ADCY3: variants seen among roughly 807,000 people sequenced by gnomAD.
ADCY3 encodes adenylate cyclase 3.
A neutral mutation model predicts 119.4 loss-of-function variants in ADCY3; 70 were observed. The ratio of observed to expected loss-of-function variants is 0.59; its 90% CI spans 0.48 to 0.72. The LOEUF (loss-of-function observed/expected upper bound fraction) is 0.72, where lower values mean the gene tolerates loss of function less well. Ranked by LOEUF, ADCY3 falls within the 30% of genes least tolerant of loss-of-function variation. ADCY3 has a pLI of 0.00. For synonymous variants in ADCY3, 672 were observed against 621.4 expected, an observed-to-expected ratio of 1.08 and a Z score of -1.21; for missense variants, 1,238 against 1,541.6, an observed-to-expected ratio of 0.80 and a Z score of 3.30.
At chr2:24,856,199 A>G (rs1294863622) in intron 3 of ADCY3, among the ~76,000 whole-genome samples, 1 of 151,958 alleles carries the variant, frequency 6.6e-6, no homozygotes, top group Non-Finnish European at 1.5e-5. Context: ...GTGTGTGTCC[A>G]TGCGTTAGCG....
At chr2:24,837,695 C>T (rs1402612732) in intron 8 of ADCY3, among the ~76,000 whole-genome samples, 1 of 152,168 alleles carries the variant, frequency 6.6e-6, no homozygotes, top group Non-Finnish European at 1.5e-5. Flanking sequence ...CCTCCAGATT[C>T]AGCAGGGGAT....
At chr2:24,867,051 A>C (rs1674394786) in intron 3 of ADCY3, among the ~76,000 whole-genome samples, 1 of 152,254 alleles carries the variant, frequency 6.6e-6, no homozygotes, top group South Asian at 2.1e-4. Flanking sequence ...AGAGATGTCA[A>C]ACCAACATTC....
chr2:24,903,711 G>C (rs1679165003), intron 2 of ADCY3, among the ~76,000 whole-genome samples: 1 of 152,180 alleles, frequency 6.6e-6, no homozygotes, highest in African/African-American at 2.4e-5. Context: ...ATGGGAGCAG[G>C]GGTAGGAGGG....
At position 24,842,245 on chromosome 2, in the gene ADCY3, C is replaced by G. The variant is rs1465980806; in HGVS notation, c.956+9G>C. 6.2e-7 allele frequency: 1 copy of G among 1,613,938 alleles called. No individual in the cohort carries two copies. The highest frequency in any genetic ancestry group is 1.7e-5 in the Admixed American group (1 of 60,030). The stretch of plus-strand genomic sequence containing the variant: ...CTGCCATCAGAGCCCGCGCCCCGGG[C>G]CGGCGTACCTGACGTTCTCGTGACG... On this transcript the variant is annotated intron_variant, in intron 4 of 21. Coordinates refer to ENST00000679454, the MANE Select transcript of ADCY3 (RefSeq NM_004036.5). The surrounding 1 kb of genome is among the most constrained non-coding windows in gnomAD (Gnocchi z 4.9).
At chr2:24,876,120 G>C (rs1675681450) in intron 2 of ADCY3, among the ~76,000 whole-genome samples, 4 of 152,150 alleles carry the variant, frequency 2.6e-5, no homozygotes, top group Non-Finnish European at 5.9e-5. Context: ...AGCCTCTTGA[G>C]TAGCTGGGAT....
intron 2 of ADCY3, among the ~76,000 whole-genome samples, chr2:24,914,674 T>TC (rs1664224889): frequency 1.2e-5 from 1 of 85,922 alleles, no homozygotes. Flanking sequence ...AAACTCTGTC[T>TC]CAAAAAAAAA....
chr2:24,907,447 G>A (rs890625474), intron 2 of ADCY3, among the ~76,000 whole-genome samples: 10 of 152,182 alleles, frequency 6.6e-5, no homozygotes, highest in African/African-American at 2.4e-4. Flanking sequence ...TTACTTTCCT[G>A]TCTACAAGAA....
intron 3 of ADCY3, among the ~76,000 whole-genome samples, chr2:24,857,523 C>A (rs1673152002): frequency 6.6e-6 from 1 of 152,248 alleles, no homozygotes; most frequent in Non-Finnish European, 1.5e-5. Context: ...GCTAGTGCTA[C>A]TGAAAGACTA....
intron 21 of ADCY3, 170 bp from the exon 22 acceptor site, chr2:24,820,284 G>C: frequency 5.5e-6 from 7 of 1,264,578 alleles, no homozygotes; most frequent in Non-Finnish European, 7.2e-6. Flanking sequence ...CGAGCAGCGG[G>C]TGGGAAGGAG....
intron 3 of ADCY3, among the ~76,000 whole-genome samples, chr2:24,847,518 C>A (rs779337605): frequency 6.6e-6 from 1 of 152,170 alleles, no homozygotes; most frequent in Non-Finnish European, 1.5e-5. Flanking sequence ...CTGGCTCCAC[C>A]GAAGCCTGGG....
Position 24,820,713 on chromosome 2 carries a change from A to G in ADCY3, c.3252+11T>C. ...AGTCTGAGCACGTGCCAGCTGTGCC[A>G]CTGGACATACCTGAATGTTGCCCAT... On this transcript the variant is annotated intron_variant, in intron 21 of 21. Coordinates refer to ENST00000679454, the MANE Select transcript of ADCY3 (RefSeq NM_004036.5). 6.2e-7 allele frequency: 1 copy of G among 1,613,942 alleles called. No individual in the cohort carries two copies. The highest frequency in any genetic ancestry group is 8.5e-7 in the Non-Finnish European group (1 of 1,179,908).
At position 24,820,064 on chromosome 2, in the gene ADCY3, C is replaced by G. The variant is rs1667321234; in HGVS notation, c.3303G>C (p.Val1101=). Residue 1101 remains valine (V), a synonymous_variant, in exon 22 of 22, where the codon GTG becomes GTC. Transcript: ENST00000679454. ...CCTTCACAAAGATGGGGCCTCGCCT[C>G]ACAAAGCGGAAGCCGTACTCTCGGA... The part of the protein sequence containing the change: ...VILREYGFRF[V]RRGPIFVKGK... 9.4e-6 allele frequency: 15 copies of G among 1,591,098 alleles called. No homozygotes were observed. In the South Asian group the frequency reaches 1.7e-4, roughly 18 times the overall value.
In ADCY3 at chr2:24,825,298, T is replaced by C. The variant is rs114992737; in HGVS notation, c.2577+747A>G. On this transcript the variant is annotated intron_variant, in intron 16 of 21. Transcript: ENST00000679454. ...TTTCTCTTCCCTCTCTTCCTTCTCT[T>C]TTCCTTTTTTGTCCGGTTGAGTGCG... is the stretch of plus-strand genomic sequence containing the variant. Among the ~76,000 whole-genome samples the C allele has an allele frequency of 3.6e-3, 534 of 147,646 alleles. 4 individuals carry two copies. Among genetic ancestry groups the C allele is most frequent in the African/African-American group, 0.013 (495 of 39,522 alleles).
At chr2:24,851,030 GTTGT>G (rs1170672946) in intron 3 of ADCY3, among the ~76,000 whole-genome samples, 1 of 152,228 alleles carries the variant, frequency 6.6e-6, no homozygotes, top group African/African-American at 2.4e-5. Flanking sequence ...GGTGCTGGTG[GTTGT>G]TCTTTTTAAA....
chr2:24,849,339 G>A (rs1010259938), intron 3 of ADCY3, among the ~76,000 whole-genome samples: 4 of 152,170 alleles, frequency 2.6e-5, no homozygotes, highest in Admixed American at 2.6e-4. Context: ...GGGTCTCGGA[G>A]ACTGTCTACC....
At position 24,872,107 on chromosome 2, in the gene ADCY3, G is replaced by A. The variant is rs532977761; in HGVS notation, c.825+463C>T. On this transcript the variant is annotated intron_variant, in intron 3 of 21. Transcript: ENST00000679454. This position sits in a 1 kb window ranked among gnomAD's most constrained non-coding sequence, Gnocchi z 4.4. ...CAGGATGGGTCAAGGCCCCACCCACGGCATGAGCAGGTGCACAGGGTGGAT... is the reference window on the plus strand; with the variant it reads ...CAGGATGGGTCAAGGCCCCACCCACAGCATGAGCAGGTGCACAGGGTGGAT... Among the ~76,000 whole-genome samples the A allele has an allele frequency of 2.6e-5, 4 of 152,302 alleles. No homozygotes were observed. The highest frequency in any genetic ancestry group is 2.1e-4 in the South Asian group (1 of 4,822).
rs1671168461 is a variant in ADCY3 at position 24,842,720 on chromosome 2, C to T, written c.826-336G>A. 2 of 305,278 alleles carry T rather than the reference C, an allele frequency of 6.6e-6. No individual in the cohort carries two copies. The highest frequency in any genetic ancestry group is 7.5e-5 in the South Asian group (2 of 26,818). The allele number at this position is 305,278 out of a possible 1,614,324, so 18.9% of individuals were successfully genotyped here. A position where few individuals can be genotyped will look rare whatever the true frequency, so the allele number is the denominator to read the frequency against. ...GTGGGCTGCTGCACCGTGAGCCCTC[C>T]CGGCAGGAGCCCTGCGGGGTCACCT... On this transcript the variant is annotated intron_variant, in intron 3 of 21. Transcript: ENST00000679454. The surrounding 1 kb of genome is among the most constrained non-coding windows in gnomAD (Gnocchi z 4.9).
chr2:24,827,846 A>C (rs1403546646), intron 14 of ADCY3, 56 bp downstream of exon 14: 9 of 1,604,240 alleles, frequency 5.6e-6, no homozygotes, highest in Non-Finnish European at 7.7e-6. Flanking sequence ...TGAACTGAGG[A>C]CTTTGCGGGC....
At chr2:24,903,572 G>A (rs1679153960) in intron 2 of ADCY3, among the ~76,000 whole-genome samples, 1 of 152,108 alleles carries the variant, frequency 6.6e-6, no homozygotes, top group Non-Finnish European at 1.5e-5. Flanking sequence ...GTGGGTGTGA[G>A]GACTAAGTGA....
Sources: allele counts gnomAD v4.1 joint callset (sites outside exome capture counted in the v4.1 genomes callset), GRCh38; gene constraint gnomAD v4.1.1; non-coding constraint Gnocchi (gnomAD v3.1); transcripts MANE v1.5; gene names NCBI Gene and HGNC (gene_info 2026-07-23, HGNC 2026-07-21).